KALRN: variants seen among roughly 807,000 people sequenced by gnomAD.
KALRN encodes kalirin RhoGEF kinase.
In KALRN, 70 loss-of-function variants were observed where a neutral mutation model predicts 353.7. The observed-to-expected ratio is 0.20, with a 90% CI of 0.16 to 0.24. The LOEUF (loss-of-function observed/expected upper bound fraction) is 0.24. Among genes scored for constraint, KALRN ranks in the 10% least tolerant of loss-of-function variants. The pLI, the probability that KALRN is intolerant of heterozygous loss-of-function variation, is 1.00. For missense variants in KALRN, 2,791 were observed against 3,756.7 expected, an observed-to-expected ratio of 0.74 and a Z score of 6.72; for synonymous variants, 1,391 against 1,434.8, an observed-to-expected ratio of 0.97 and a Z score of 0.69.
intron 3 of KALRN, among the ~76,000 whole-genome samples, chr3:124,247,155 C>T (rs2070402540): frequency 6.6e-6 from 1 of 152,184 alleles, no homozygotes; most frequent in Non-Finnish European, 1.5e-5. Context: ...TTATTGTACA[C>T]TCTTCTGGCA....
At chr3:124,286,166 T>A (rs1463336267) in intron 5 of KALRN, among the ~76,000 whole-genome samples, 8 of 138,126 alleles carry the variant, frequency 5.8e-5, no homozygotes, top group African/African-American at 8.0e-5. Flanking sequence ...TCTTTCGTCT[T>A]TCTTTCTTTC....
rs376477689 is a variant in KALRN at position 124,442,102 on chromosome 3, G to A, written c.3313+43G>A. 171 of 1,257,194 alleles carry A rather than the reference G, an allele frequency of 1.4e-4. 1 individual carries two copies. The African/African-American group carries it at 2.3e-3, about 17-fold the overall frequency. 77.9% of individuals were successfully genotyped at this position (1,257,194 alleles called of 1,614,324 possible). ...CCAGCCACCAGTCACTTCAGCGACA[G>A]CCCCTCCCTGAAATATACCATGTAC... On this transcript the variant is annotated intron_variant, in intron 19 of 59. Transcript: ENST00000682506.
intron 33 of KALRN, among the ~76,000 whole-genome samples, chr3:124,552,117 C>G (rs1875366): frequency 0.017 from 2,533 of 152,304 alleles, 68 homozygotes; most frequent in African/African-American, 0.057. Context: ...TTATCTTAGT[C>G]TGCCTGAGGA....
intron 25 of KALRN, among the ~76,000 whole-genome samples, chr3:124,466,500 A>G (rs1341471805): frequency 6.6e-6 from 1 of 152,112 alleles, no homozygotes; most frequent in Non-Finnish European, 1.5e-5. Context: ...TGCTGTTATT[A>G]GATTTGCAAC....
intron 3 of KALRN, among the ~76,000 whole-genome samples, chr3:124,242,412 G>C (rs148654829): frequency 1.1e-4 from 16 of 152,348 alleles, no homozygotes; most frequent in African/African-American, 3.6e-4. Flanking sequence ...TCTGGAGCCA[G>C]ATGGTCTAGC....
At chr3:124,426,638 C>T (rs1234499455) in intron 15 of KALRN, among the ~76,000 whole-genome samples, 1 of 152,180 alleles carries the variant, frequency 6.6e-6, no homozygotes, top group African/African-American at 2.4e-5. Flanking sequence ...GACTTTATAT[C>T]TAAGATAGAT....
chr3:124,497,559 G>T (rs1318216781), intron 33 of KALRN, among the ~76,000 whole-genome samples: 3 of 152,126 alleles, frequency 2.0e-5, no homozygotes, highest in Non-Finnish European at 2.9e-5. Context: ...AGTGCTCAAG[G>T]TCATTCAAGG....
At chr3:124,088,241 G>A (rs748951267) in intron 1 of KALRN, among the ~76,000 whole-genome samples, 2 of 152,110 alleles carry the variant, frequency 1.3e-5, no homozygotes, top group African/African-American at 2.4e-5. Context: ...CCTCAGTGCC[G>A]AGGGTCATCC....
Position 124,725,416 on chromosome 3 carries a change from G to C in KALRN, c.*5946G>C, listed in dbSNP as rs1044906914. On this transcript the variant is annotated 3_prime_UTR_variant, in exon 60 of 60. Transcript: ENST00000682506. Reference sequence around the variant, plus strand: ...AACATACTCTTCATAATGAGATCCTGTTCAGAGAACAGTAGTGATCAAAGT... The same window carrying C: ...AACATACTCTTCATAATGAGATCCTCTTCAGAGAACAGTAGTGATCAAAGT... 6.6e-6 allele frequency: 1 copy of C among 152,152 alleles called. No individual in the cohort carries two copies. The highest frequency in any genetic ancestry group is 1.5e-5 in the Non-Finnish European group (1 of 68,036). 9.4% of individuals were successfully genotyped at this position (152,152 alleles called of 1,614,324 possible).
chr3:124,616,251 C>T (rs905135424), intron 34 of KALRN, among the ~76,000 whole-genome samples: 1 of 152,168 alleles, frequency 6.6e-6, no homozygotes, highest in Non-Finnish European at 1.5e-5. Flanking sequence ...ACTCTTCCCC[C>T]CAGCCTCTAT....
chr3:124,606,700 G>T (rs950824380), intron 34 of KALRN, among the ~76,000 whole-genome samples: 6 of 152,066 alleles, frequency 3.9e-5, no homozygotes, highest in Admixed American at 3.3e-4. Flanking sequence ...ACAAATGATG[G>T]ACTAGGAGAA....
intron 14 of KALRN, among the ~76,000 whole-genome samples, chr3:124,421,157 C>T (rs1307597350): frequency 6.6e-6 from 1 of 152,170 alleles, no homozygotes; most frequent in Admixed American, 6.5e-5. Flanking sequence ...TAAGAAGCTG[C>T]AGAGCCAGGT....
At chr3:124,356,432 C>T (rs1478413976) in intron 10 of KALRN, among the ~76,000 whole-genome samples, 3 of 150,116 alleles carry the variant, frequency 2.0e-5, no homozygotes, top group African/African-American at 7.4e-5. Flanking sequence ...CTCCCGGGTT[C>T]AAGTGATTCT....
chr3:124,259,136 T>C (rs1286935187), intron 3 of KALRN, among the ~76,000 whole-genome samples: 2 of 152,182 alleles, frequency 1.3e-5, no homozygotes, highest in Admixed American at 6.5e-5. Flanking sequence ...AGGTGAAGTC[T>C]AGCTGGAGCC....
intron 25 of KALRN, among the ~76,000 whole-genome samples, chr3:124,463,546 GTGTGGC>G (rs1479378281): frequency 6.6e-6 from 1 of 152,242 alleles, no homozygotes. Flanking sequence ...CACTAGATAT[GTGTGGC>G]TAATGAACAC....
At chr3:124,094,765 C>T in intron 1 of KALRN, 1 of 1,313,204 alleles carries the variant, frequency 7.6e-7, no homozygotes, top group South Asian at 1.2e-5. Context: ...GTGATTCCGG[C>T]CTCCTCGAGT....
In KALRN at chr3:124,671,913, A is replaced by G; in HGVS notation, c.6942+15A>G. On this transcript the variant is annotated intron_variant, in intron 48 of 59. Coordinates refer to ENST00000682506, the MANE Select transcript of KALRN (RefSeq NM_001388419.1). ...AAGCCAGCAAGGTAAGTGACAACTC[A>G]TTACTCCCACCCTTGTCACTACGAT... is the stretch of plus-strand genomic sequence containing the variant. 2 of 1,554,364 alleles carry G rather than the reference A, an allele frequency of 1.3e-6. No individual in the cohort carries two copies. The highest frequency in any genetic ancestry group is 2.2e-5 in the East Asian group (1 of 44,550).
intron 1 of KALRN, among the ~76,000 whole-genome samples, chr3:124,186,851 C>A (rs895463885): frequency 2.6e-5 from 4 of 152,114 alleles, no homozygotes; most frequent in Admixed American, 1.3e-4. Context: ...CTGAGTGTAT[C>A]CAATTCCTCC....
intron 10 of KALRN, among the ~76,000 whole-genome samples, chr3:124,365,151 C>T (rs1445486938): frequency 6.6e-6 from 1 of 152,154 alleles, no homozygotes; most frequent in Admixed American, 6.5e-5. Context: ...TAACCCTAGG[C>T]ACCTCAAGGA....
Sources: allele counts gnomAD v4.1 joint callset (sites outside exome capture counted in the v4.1 genomes callset), GRCh38; gene constraint gnomAD v4.1.1; transcripts MANE v1.5; gene names NCBI Gene and HGNC (gene_info 2026-07-23, HGNC 2026-07-21).